Variants in SAMD5 observed in about 807,000 individuals in gnomAD.
The protein encoded by SAMD5 is sterile alpha motif domain-containing protein 5.
A neutral mutation model predicts 11.3 loss-of-function variants in SAMD5; 13 were observed. The observed-to-expected ratio is 1.15, with a 90% CI of 0.75 to 1.83. SAMD5 has a LOEUF of 1.83. Ranked by LOEUF, SAMD5 falls within the 40% of genes most tolerant of loss-of-function variation. The pLI, the probability that SAMD5 is intolerant of heterozygous loss-of-function variation, is 0.00. For synonymous variants in SAMD5, 129 were observed against 111.3 expected (o/e 1.16, Z -1.00); for missense variants, 255 against 239.1 (o/e 1.07, Z -0.44).
the SAMD5 span, among the ~76,000 whole-genome samples, chr6:147,946,030 T>C: frequency 6.6e-6 from 1 of 152,160 alleles, no homozygotes; most frequent in South Asian, 2.1e-4. Flanking sequence ...AACTTTCTTA[T>C]AAAAGACTCC....
chr6:147,533,241 T>G (rs1788456598), intron 1 of SAMD5, among the ~76,000 whole-genome samples: 1 of 151,320 alleles, frequency 6.6e-6, no homozygotes, highest in African/African-American at 2.4e-5. Context: ...GAATGCAAAA[T>G]TAGGTAAAGG....
chr6:147,793,417 T>A, the SAMD5 span, among the ~76,000 whole-genome samples: 1 of 152,160 alleles, frequency 6.6e-6, no homozygotes, highest in Non-Finnish European at 1.5e-5. Flanking sequence ...AAGTATTATG[T>A]TGTATTGGAT....
At chr6:147,816,301 A>AAAAAATATATATATAT in the SAMD5 span, among the ~76,000 whole-genome samples, 68 of 66,332 alleles carry the variant, frequency 1.0e-3, 1 homozygote, top group East Asian at 6.7e-3. Context: ...AAAAAAAAAA[A>AAAAAATATATATATAT]ATATATATAT....
intron 1 of SAMD5, among the ~76,000 whole-genome samples, chr6:147,628,024 G>A (rs958509004): frequency 1.3e-5 from 2 of 152,116 alleles, no homozygotes; most frequent in Non-Finnish European, 2.9e-5. Context: ...GAAAGGCCTG[G>A]TAAATATTTT....
chr6:147,645,447 G>A (rs1015583346), intron 1 of SAMD5, among the ~76,000 whole-genome samples: 4 of 151,996 alleles, frequency 2.6e-5, no homozygotes, highest in African/African-American at 9.7e-5. Flanking sequence ...TCTGCTTGAG[G>A]TGGTAATGTT....
At chr6:147,524,161 T>C (rs1266154892) in intron 1 of SAMD5, among the ~76,000 whole-genome samples, 1 of 152,128 alleles carries the variant, frequency 6.6e-6, no homozygotes, top group East Asian at 1.9e-4. Flanking sequence ...ATCCTTCATG[T>C]TGATATACCT....
chr6:147,562,286 C>T (rs1057011284), intron 1 of SAMD5, among the ~76,000 whole-genome samples: 2 of 152,186 alleles, frequency 1.3e-5, no homozygotes, highest in African/African-American at 4.8e-5. Context: ...GTCTGTTGAA[C>T]ATGGGGCAGA....
At chr6:147,663,773 A>G (rs907660376) in intron 1 of SAMD5, among the ~76,000 whole-genome samples, 38 of 139,676 alleles carry the variant, frequency 2.7e-4, no homozygotes, top group African/African-American at 9.5e-4. Flanking sequence ...GCCTGGGTGA[A>G]AGAGCGAAAC....
At chr6:147,634,931 C>T (rs906572278) in intron 1 of SAMD5, among the ~76,000 whole-genome samples, 1 of 78,650 alleles carries the variant, frequency 1.3e-5, no homozygotes, top group African/African-American at 3.2e-5. Context: ...CATGAAGCCA[C>T]TTAGTAGTAC....
At position 147,565,479 on chromosome 6, in the gene SAMD5, G is replaced by C. The variant is rs1444684872; in HGVS notation, c.*1023G>C. On this transcript the variant is annotated 3_prime_UTR_variant, in exon 2 of 2. Coordinates refer to ENST00000367474, the MANE Select transcript of SAMD5 (RefSeq NM_001030060.3). ...GATGCTGGTAGTTTTTTTTTTTTTAGACAGAGTCTCGCTCTGTCACCCAGG... is the reference window on the plus strand; with the variant it reads ...GATGCTGGTAGTTTTTTTTTTTTTACACAGAGTCTCGCTCTGTCACCCAGG... 1 of 544,082 alleles carries C rather than the reference G, an allele frequency of 1.8e-6. No individual in the cohort carries two copies. Among genetic ancestry groups the C allele is most frequent in the Non-Finnish European group, 2.3e-6 (1 of 436,510 alleles). 33.7% of individuals were successfully genotyped at this position (544,082 alleles called of 1,614,324 possible).
At chr6:147,865,184 C>T in the SAMD5 span, among the ~76,000 whole-genome samples, 1 of 152,070 alleles carries the variant, frequency 6.6e-6, no homozygotes, top group Non-Finnish European at 1.5e-5. Flanking sequence ...TATGTCAAGA[C>T]TTATTCACAC....
the SAMD5 span, among the ~76,000 whole-genome samples, chr6:147,835,496 C>T: frequency 1.3e-5 from 2 of 152,124 alleles, no homozygotes; most frequent in African/African-American, 2.4e-5. Flanking sequence ...TGGTCTATGC[C>T]TTTACCCTCT....
the SAMD5 span, among the ~76,000 whole-genome samples, chr6:147,778,689 A>G: frequency 6.6e-6 from 1 of 152,178 alleles, no homozygotes; most frequent in African/African-American, 2.4e-5. Flanking sequence ...TCTCCAAGTT[A>G]AACAGCCCCT....
At chr6:147,551,812 T>TATATATATA (rs1788775999) in intron 1 of SAMD5, among the ~76,000 whole-genome samples, 1 of 99,456 alleles carries the variant, frequency 1.0e-5, no homozygotes, top group African/African-American at 3.5e-5. Flanking sequence ...TATATATATG[T>TATATATATA]TATATATATA....
chr6:147,926,828 C>A, the SAMD5 span, among the ~76,000 whole-genome samples: 7 of 152,134 alleles, frequency 4.6e-5, no homozygotes, highest in African/African-American at 1.7e-4. Context: ...AGTCTTTAAT[C>A]CATCTTGAGT....
the SAMD5 span, among the ~76,000 whole-genome samples, chr6:147,891,466 T>C: frequency 2.6e-5 from 4 of 152,076 alleles, no homozygotes; most frequent in Non-Finnish European, 4.4e-5. Flanking sequence ...CCATAGGACA[T>C]AGAGGAACAT....
At chr6:147,718,717 G>A (rs1223345298) in intron 1 of SAMD5, among the ~76,000 whole-genome samples, 1 of 151,728 alleles carries the variant, frequency 6.6e-6, no homozygotes, top group Non-Finnish European at 1.5e-5. Context: ...TGGAGGCAAA[G>A]TCTTGCTCTG....
At chr6:147,880,396 C>T in the SAMD5 span, among the ~76,000 whole-genome samples, 1 of 152,188 alleles carries the variant, frequency 6.6e-6, no homozygotes, top group Non-Finnish European at 1.5e-5. Context: ...CACACAAACA[C>T]AGATGACCTC....
In SAMD5 at chr6:147,567,813, A is replaced by G. The variant is rs1423136297; in HGVS notation, c.*3357A>G. The G allele has an allele frequency of 1.0e-5, 10 of 985,226 alleles. No individual in the cohort carries two copies. The highest frequency in any genetic ancestry group is 1.7e-5 in the African/African-American group (1 of 57,240). 61.0% of individuals were successfully genotyped at this position (985,226 alleles called of 1,614,324 possible). On this transcript the variant is annotated 3_prime_UTR_variant, in exon 2 of 2. Transcript: ENST00000367474. ...TCTCAGGAAGGATAAAAAAGGCTAC[A>G]GTACCTGCTCATAGGAGTTCAGTAA...
Sources: gnomAD v4.1 joint callset for allele counts (sites outside exome capture counted in the v4.1 genomes callset) on GRCh38, gnomAD v4.1.1 for gene constraint, MANE v1.5 for transcripts, NCBI Gene and HGNC (gene_info 2026-07-23, HGNC 2026-07-21) for gene names.